The following ATP8A2 variants were observed in gnomAD, a reference collection of about 807,000 sequenced individuals.
ATP8A2 encodes ATPase phospholipid transporting 8A2, also known as phospholipid-transporting ATPase IB.
In ATP8A2, 100 loss-of-function variants were observed where a neutral mutation model predicts 165.6. The observed-to-expected ratio is 0.60, with a 90% CI of 0.51 to 0.71. ATP8A2 has a LOEUF of 0.71. ATP8A2 is among the 30% of genes least tolerant of loss of function. ATP8A2 has a pLI of 0.00. For synonymous variants in ATP8A2, 543 were observed against 548.8 expected (o/e 0.99, Z 0.15); for missense variants, 1,227 against 1,479.5 (o/e 0.83, Z 2.80).
intron 27 of ATP8A2, among the ~76,000 whole-genome samples, chr13:25,804,397 C>T (rs1950686236): frequency 6.6e-6 from 1 of 152,122 alleles, no homozygotes; most frequent in Non-Finnish European, 1.5e-5. Flanking sequence ...CATTTTAATT[C>T]TGAAATGCAA....
At chr13:25,459,631 G>A (rs538764714) in intron 1 of ATP8A2, among the ~76,000 whole-genome samples, 1 of 152,348 alleles carries the variant, frequency 6.6e-6, no homozygotes, top group South Asian at 2.1e-4. Flanking sequence ...TGGTCACAAA[G>A]TGCTTCTGTG....
chr13:25,456,935 G>A (rs2035378583), intron 1 of ATP8A2, among the ~76,000 whole-genome samples: 1 of 152,046 alleles, frequency 6.6e-6, no homozygotes, highest in Non-Finnish European at 1.5e-5. Context: ...ACTGTCTTGG[G>A]CTACCCATAA....
At chr13:25,903,866 A>G (rs1455730182) in intron 33 of ATP8A2, among the ~76,000 whole-genome samples, 4 of 152,140 alleles carry the variant, frequency 2.6e-5, no homozygotes, top group Admixed American at 6.5e-5. Flanking sequence ...TATAAGCTCT[A>G]TGAGGCTGCA....
At chr13:25,947,288 G>GTGCAT (rs1955237863) in intron 33 of ATP8A2, among the ~76,000 whole-genome samples, 1 of 152,086 alleles carries the variant, frequency 6.6e-6, no homozygotes, top group Admixed American at 6.5e-5. Flanking sequence ...GGGTATGTTC[G>GTGCAT]TGCATGTACT....
chr13:25,905,937 C>T (rs1953924331), intron 33 of ATP8A2, among the ~76,000 whole-genome samples: 1 of 152,166 alleles, frequency 6.6e-6, no homozygotes, highest in South Asian at 2.1e-4. Context: ...TTGGTTATTT[C>T]CTCTTTGTTC....
At chr13:25,778,523 T>G (rs1167033831) in intron 27 of ATP8A2, among the ~76,000 whole-genome samples, 4 of 152,228 alleles carry the variant, frequency 2.6e-5, no homozygotes. Context: ...TACTGTTTTC[T>G]GGGTTGATTA....
At chr13:25,486,409 T>G (rs2036354661) in intron 2 of ATP8A2, among the ~76,000 whole-genome samples, 1 of 152,178 alleles carries the variant, frequency 6.6e-6, no homozygotes, top group Admixed American at 6.5e-5. Context: ...AGATATTGAT[T>G]TAGCATTCTT....
chr13:25,709,560 A>G (rs942307947), intron 25 of ATP8A2, among the ~76,000 whole-genome samples: 1 of 152,210 alleles, frequency 6.6e-6, no homozygotes, highest in Non-Finnish European at 1.5e-5. Context: ...TAGGGAATAT[A>G]TGTTTCTATG....
chr13:25,750,701 A>T lies in ATP8A2; in HGVS notation c.2385-18345A>T, dbSNP rs2044135734. ...GGTACCTCATATGTGTAGTTTTGGC[A>T]TCGAGTTTATACGAGCACATGGGCA... On this transcript the variant is annotated intron_variant, in intron 25 of 36. Coordinates refer to ENST00000381655, the MANE Select transcript of ATP8A2 (RefSeq NM_016529.6). The surrounding 1 kb of genome is among the most constrained non-coding windows in gnomAD (Gnocchi z 4.3). Among the ~76,000 whole-genome samples the T allele has an allele frequency of 6.6e-6, 1 of 152,168 alleles. No homozygotes were observed. Among genetic ancestry groups the T allele is most frequent in the Admixed American group, 6.5e-5 (1 of 15,276 alleles).
chr13:25,399,831 TCTTTCTTCC>T (rs1382377816), intron 1 of ATP8A2, among the ~76,000 whole-genome samples: 2 of 151,318 alleles, frequency 1.3e-5, no homozygotes, highest in South Asian at 2.1e-4. Context: ...CCTCTTCTTC[TCTTTCTTCC>T]CTTTCTTCCC....
At chr13:25,440,214 G>A (rs778636293) in intron 1 of ATP8A2, among the ~76,000 whole-genome samples, 3 of 152,164 alleles carry the variant, frequency 2.0e-5, no homozygotes, top group Non-Finnish European at 4.4e-5. Flanking sequence ...CTCTAGGAAT[G>A]AATCATCTGG....
At chr13:25,829,719 T>TA (rs1212969545) in intron 28 of ATP8A2, among the ~76,000 whole-genome samples, 38 of 109,852 alleles carry the variant, frequency 3.5e-4, no homozygotes, top group Non-Finnish European at 6.2e-4. Flanking sequence ...TATATATATA[T>TA]ATCACCTGCT....
chr13:25,504,795 T>C (rs1199561417), intron 2 of ATP8A2, among the ~76,000 whole-genome samples: 1 of 151,434 alleles, frequency 6.6e-6, no homozygotes, highest in Non-Finnish European at 1.5e-5. Flanking sequence ...AGAGTCACTT[T>C]ATAGTGTGAT....
At chr13:25,532,342 T>C in intron 5 of ATP8A2, 25 bp downstream of exon 5, 2 of 1,585,656 alleles carry the variant, frequency 1.3e-6, no homozygotes, top group Middle Eastern at 1.7e-4. Flanking sequence ...TGAAGGACTT[T>C]TTCCACTGGA....
intron 33 of ATP8A2, among the ~76,000 whole-genome samples, chr13:25,864,257 C>T (rs778647877): frequency 1.3e-5 from 2 of 149,944 alleles, no homozygotes; most frequent in Non-Finnish European, 3.0e-5. Flanking sequence ...AGGACGGGGT[C>T]GCTTGGCATG....
intron 33 of ATP8A2, among the ~76,000 whole-genome samples, chr13:25,910,565 A>G (rs147236291): frequency 6.7e-6 from 1 of 149,866 alleles, no homozygotes; most frequent in East Asian, 2.0e-4. Context: ...AGAGAAGTCA[A>G]CAGATTGGAT....
intron 28 of ATP8A2, among the ~76,000 whole-genome samples, chr13:25,831,895 G>A (rs1354128425): frequency 6.6e-6 from 1 of 151,590 alleles, no homozygotes; most frequent in Non-Finnish European, 1.5e-5. Context: ...ATGAATGAAT[G>A]CTGTCCCAGA....
At chr13:25,542,099 T>C in intron 9 of ATP8A2, 53 bp downstream of exon 9, 2 of 1,522,882 alleles carry the variant, frequency 1.3e-6, no homozygotes, top group Non-Finnish European at 1.8e-6. Context: ...TAAGAATTAC[T>C]GGAGCTTTGG....
intron 8 of ATP8A2, among the ~76,000 whole-genome samples, chr13:25,541,123 C>T: frequency 6.6e-6 from 1 of 151,940 alleles, no homozygotes; most frequent in East Asian, 1.9e-4. Context: ...CTTTGGCCTC[C>T]CAAAGTGCTG....
Sources: allele counts gnomAD v4.1 joint callset (sites outside exome capture counted in the v4.1 genomes callset), GRCh38; gene constraint gnomAD v4.1.1; non-coding constraint Gnocchi (gnomAD v3.1); transcripts MANE v1.5; gene names NCBI Gene and HGNC (gene_info 2026-07-23, HGNC 2026-07-21).